EFEMP1: variants seen among roughly 807,000 people sequenced by gnomAD.
The protein encoded by EFEMP1 is EGF-containing fibulin-like extracellular matrix protein 1.
In EFEMP1, 18 loss-of-function variants were observed where a neutral mutation model predicts 65.7. The observed-to-expected ratio is 0.27, with a 90% confidence interval of 0.19 to 0.41. EFEMP1 has a LOEUF of 0.41. Ranked by LOEUF, EFEMP1 falls within the 10% of genes least tolerant of loss-of-function variation. EFEMP1 has a pLI of 1.00. For missense variants in EFEMP1, 469 were observed against 624.8 expected (o/e 0.75, Z 2.66); for synonymous variants, 237 against 219.7 (o/e 1.08, Z -0.70).
intron 5 of EFEMP1, among the ~76,000 whole-genome samples, chr2:55,896,865 A>G (rs1449383508): frequency 6.6e-6 from 1 of 152,200 alleles, no homozygotes; most frequent in African/African-American, 2.4e-5. Context: ...ATGAAACCCA[A>G]ACTTTAAAAC....
intron 5 of EFEMP1, among the ~76,000 whole-genome samples, chr2:55,896,824 G>T (rs989781645): frequency 1.3e-5 from 2 of 152,208 alleles, no homozygotes; most frequent in Non-Finnish European, 2.9e-5. Context: ...ATAAATGGAA[G>T]CTGATTACAT....
chr2:55,898,373 T>G (rs763445438), intron 5 of EFEMP1, among the ~76,000 whole-genome samples: 1 of 152,196 alleles, frequency 6.6e-6, no homozygotes, highest in African/African-American at 2.4e-5. Context: ...TGTGGCAAAA[T>G]AATGAATTAT....
chr2:55,874,015 T>A (rs577746726), intron 9 of EFEMP1, among the ~76,000 whole-genome samples: 8 of 147,926 alleles, frequency 5.4e-5, no homozygotes, highest in Non-Finnish European at 1.5e-5. Flanking sequence ...AGCTTTATAG[T>A]TTACAAATTA....
At chr2:55,893,004 T>C (rs1669689286) in intron 5 of EFEMP1, among the ~76,000 whole-genome samples, 1 of 152,146 alleles carries the variant, frequency 6.6e-6, no homozygotes, top group African/African-American at 2.4e-5. Flanking sequence ...GATTATTTTT[T>C]CCCCTAGAAA....
chr2:55,901,948 G>A (rs570860721), intron 5 of EFEMP1, among the ~76,000 whole-genome samples: 1 of 152,288 alleles, frequency 6.6e-6, no homozygotes, highest in East Asian at 1.9e-4. Context: ...AGGAATTGAA[G>A]GTGGAAGAAT....
rs1166169716 is a variant in EFEMP1 at position 55,874,808 on chromosome 2, T to A, written c.1000+138A>T. The A allele has an allele frequency of 5.8e-6, 5 of 862,506 alleles. No homozygotes were observed. In the East Asian group the frequency reaches 1.6e-4, roughly 28 times the overall value. 53.4% of individuals were successfully genotyped at this position (862,506 alleles called of 1,614,324 possible). A position where few individuals can be genotyped will look rare whatever the true frequency, so the allele number is the denominator to read the frequency against. ...TTTATGAGATGTATATATTTTATGA[T>A]GAACAGGGGAAAAAAGAGCTTAAAT... is the stretch of plus-strand genomic sequence containing the variant. On this transcript the variant is annotated intron_variant, in intron 9 of 11. Coordinates refer to ENST00000355426, the MANE Select transcript of EFEMP1 (RefSeq NM_001039348.3).
chr2:55,867,906 G>A lies in EFEMP1; in HGVS notation c.1321-672C>T, dbSNP rs1382624383. Among the ~76,000 whole-genome samples, 2 of 152,120 alleles carry A rather than the reference G, an allele frequency of 1.3e-5. No individual in the cohort carries two copies. Among genetic ancestry groups the A allele is most frequent in the Non-Finnish European group, 2.9e-5 (2 of 68,028 alleles). Reference sequence around the variant, plus strand: ...GGCTCTTGTGAGTGGAGGGAGATGAGGTTGGAGAGGCAGGTAAGTGGATGT... The same window carrying A: ...GGCTCTTGTGAGTGGAGGGAGATGAAGTTGGAGAGGCAGGTAAGTGGATGT... On this transcript the variant is annotated intron_variant, in intron 11 of 11. Coordinates refer to ENST00000355426, the MANE Select transcript of EFEMP1 (RefSeq NM_001039348.3). The surrounding 1 kb of genome is among the most constrained non-coding windows in gnomAD (Gnocchi z 4.3).
Position 55,870,783 on chromosome 2 carries a change from A to G in EFEMP1, c.1257T>C (p.Tyr419=), listed in dbSNP as rs1171514160. 1 of 1,613,886 alleles carries G rather than the reference A, an allele frequency of 6.2e-7. No homozygotes were observed. Among genetic ancestry groups the G allele is most frequent in the Non-Finnish European group, 8.5e-7 (1 of 1,179,822 alleles). ...DIFQIQATTI[Y]ANTINTFRIK... Reference sequence around the variant, plus strand: ...TCCGAAAAGTATTGATGGTGTTGGCATAAATAGTTGTGGCCTGTATCTGGA... The same window carrying G: ...TCCGAAAAGTATTGATGGTGTTGGCGTAAATAGTTGTGGCCTGTATCTGGA... Residue 419 remains tyrosine, a synonymous_variant, in exon 11 of 12, where the codon TAT becomes TAC. Coordinates refer to ENST00000355426, the MANE Select transcript of EFEMP1 (RefSeq NM_001039348.3). The surrounding 1 kb of genome is among the most constrained non-coding windows in gnomAD (Gnocchi z 5.8).
chr2:55,914,616 A>C (rs1670607330), intron 5 of EFEMP1, among the ~76,000 whole-genome samples: 1 of 152,244 alleles, frequency 6.6e-6, no homozygotes, highest in Non-Finnish European at 1.5e-5. Context: ...TTACATTTAA[A>C]ATGTCCTGAG....
intron 5 of EFEMP1, among the ~76,000 whole-genome samples, chr2:55,911,605 C>T (rs1328192835): frequency 1.3e-5 from 2 of 152,048 alleles, no homozygotes; most frequent in East Asian, 3.8e-4. Context: ...CCCAGAGTTT[C>T]TGATTCAGTC....
chr2:55,909,200 C>G (rs1208671560), intron 5 of EFEMP1, among the ~76,000 whole-genome samples: 1 of 152,134 alleles, frequency 6.6e-6, no homozygotes, highest in Non-Finnish European at 1.5e-5. Flanking sequence ...TGGTTTAAGT[C>G]TGAGTTCTCC....
intron 8 of EFEMP1, among the ~76,000 whole-genome samples, chr2:55,876,318 A>C (rs1235263097): frequency 6.6e-6 from 1 of 152,152 alleles, no homozygotes; most frequent in African/African-American, 2.4e-5. Flanking sequence ...TGCATTTCTC[A>C]TAAGCTCCCA....
Position 55,922,509 on chromosome 2 carries a change from T to C in EFEMP1, c.-7-62A>G. ...CTGCTGCGGGGAAAGTAACAAAACTTTAGCAGTGAGCACAAGCGAGGAAAG... is the reference window on the plus strand; with the variant it reads ...CTGCTGCGGGGAAAGTAACAAAACTCTAGCAGTGAGCACAAGCGAGGAAAG... On this transcript the variant is annotated intron_variant, in intron 2 of 11. Coordinates refer to ENST00000355426, the MANE Select transcript of EFEMP1 (RefSeq NM_001039348.3). The surrounding 1 kb of genome is among the most constrained non-coding windows in gnomAD (Gnocchi z 5.5). 1 of 1,473,464 alleles carries C rather than the reference T, an allele frequency of 6.8e-7. No homozygotes were observed. Among genetic ancestry groups the C allele is most frequent in the Non-Finnish European group, 9.5e-7 (1 of 1,056,270 alleles). The allele number at this position is 1,473,464 out of a possible 1,614,324, so 91.3% of individuals were successfully genotyped here.
At chr2:55,875,204 T>C (rs1668981654) in intron 8 of EFEMP1, 139 bp from the exon 9 acceptor site, 1 of 336,706 alleles carries the variant, frequency 3.0e-6, no homozygotes, top group Non-Finnish European at 4.5e-6. Context: ...TTATATATAA[T>C]TAAAATTATT....
rs1558492879 is a variant in EFEMP1 at position 55,921,954 on chromosome 2, T to C, written c.81+406A>G. Reference sequence around the variant, plus strand: ...ACACAAAGAAGGCCATGTGTCTTTATGGTGTTTAACGTTCTTACTTGACTT... The same window carrying C: ...ACACAAAGAAGGCCATGTGTCTTTACGGTGTTTAACGTTCTTACTTGACTT... On this transcript the variant is annotated intron_variant, in intron 3 of 11. Transcript: ENST00000355426. This position sits in a 1 kb window ranked among gnomAD's most constrained non-coding sequence, Gnocchi z 4.1. The C allele has an allele frequency of 3.9e-6, 1 of 258,612 alleles. No individual in the cohort carries two copies. The highest frequency in any genetic ancestry group is 2.2e-5 in the African/African-American group (1 of 45,352). 16.0% of individuals were successfully genotyped at this position (258,612 alleles called of 1,614,324 possible). A position where few individuals can be genotyped will look rare whatever the true frequency, so the allele number is the denominator to read the frequency against.
chr2:55,882,026 C>T (rs1669260919), intron 5 of EFEMP1, among the ~76,000 whole-genome samples: 1 of 152,146 alleles, frequency 6.6e-6, no homozygotes, highest in African/African-American at 2.4e-5. Context: ...ACACCATCCT[C>T]ATCCCTTGAC....
chr2:55,877,842 G>A lies in EFEMP1; in HGVS notation c.664C>T (p.Pro222Ser), dbSNP rs1433095577. The change falls in exon 7 of 12, where the codon CCA (proline) becomes TCA (serine). Residue 222 changes from proline to serine, a missense_variant. Pro to Ser is a moderately conservative substitution (Grantham distance 74, BLOSUM62 -1). Transcript: ENST00000355426. This position sits in a 1 kb window ranked among gnomAD's most constrained non-coding sequence, Gnocchi z 4.5. ...TTCACGCATCTTTGGTGGCAATATG[G>A]AGGGATGGTACATTCATCTATGTCT... ...CVDIDECTIP[P>S]YCHQRCVNTP... 1 of 1,613,168 alleles carries A rather than the reference G, an allele frequency of 6.2e-7. No individual in the cohort carries two copies. Among genetic ancestry groups the A allele is most frequent in the South Asian group, 1.1e-5 (1 of 91,078 alleles).
Position 55,873,066 on chromosome 2 carries a change from C to CCCCACACACA in EFEMP1, c.1000+1879_1000+1880insTGTGTGTGGG, listed in dbSNP as rs1668879727. On this transcript the variant is annotated intron_variant, in intron 9 of 11. Coordinates refer to ENST00000355426, the MANE Select transcript of EFEMP1 (RefSeq NM_001039348.3). The surrounding 1 kb of genome is among the most constrained non-coding windows in gnomAD (Gnocchi z 4.6). ...TTCTTTTGTCTCTCTGTCTCTCTCTCCACACACACACACACACACACACAC... is the reference window on the plus strand; with the variant it reads ...TTCTTTTGTCTCTCTGTCTCTCTCTCCCCACACACACACACACACACACACACACACACAC... Among the ~76,000 whole-genome samples, 1 of 145,294 alleles carries CCCCACACACA rather than the reference C, an allele frequency of 6.9e-6. No homozygotes were observed. Among genetic ancestry groups the CCCCACACACA allele is most frequent in the Non-Finnish European group, 1.5e-5 (1 of 66,124 alleles).
At chr2:55,881,224 A>G (rs1669227039) in intron 6 of EFEMP1, among the ~76,000 whole-genome samples, 1 of 152,190 alleles carries the variant, frequency 6.6e-6, no homozygotes, top group Admixed American at 6.5e-5. Context: ...CTTGGAATGC[A>G]ACTCCACCAT....
Sources: allele counts gnomAD v4.1 joint callset (sites outside exome capture counted in the v4.1 genomes callset), GRCh38; gene constraint gnomAD v4.1.1; non-coding constraint Gnocchi (gnomAD v3.1); transcripts MANE v1.5; gene names NCBI Gene and HGNC (gene_info 2026-07-23, HGNC 2026-07-21).